The following FOXP2 variants were observed in gnomAD, a reference collection of about 807,000 sequenced individuals.
FOXP2 encodes the protein forkhead box protein P2.
In FOXP2, 12 loss-of-function variants were observed where a neutral mutation model predicts 115.8. The ratio of observed to expected loss-of-function variants is 0.10; its 90% CI spans 0.07 to 0.17. The LOEUF is 0.17. Ranked by LOEUF, FOXP2 falls within the 10% of genes least tolerant of loss-of-function variation. FOXP2 has a pLI of 1.00. For missense variants in FOXP2, 629 were observed against 843.5 expected, an observed-to-expected ratio of 0.75 and a Z score of 3.15; for synonymous variants, 328 against 297.7, an observed-to-expected ratio of 1.10 and a Z score of -1.05.
intron 16 of FOXP2, among the ~76,000 whole-genome samples, chr7:114,678,848 AACAAAT>A (rs1238746733): frequency 1.3e-5 from 2 of 152,156 alleles, no homozygotes; most frequent in Non-Finnish European, 2.9e-5. Context: ...CAATTAAAAT[AACAAAT>A]ACAAAGATTC....
intron 1 of FOXP2, among the ~76,000 whole-genome samples, chr7:114,270,382 T>G (rs1040628150): frequency 1.3e-5 from 2 of 152,162 alleles, no homozygotes; most frequent in Non-Finnish European, 2.9e-5. Context: ...GTCCTTAGTT[T>G]TGTAAGAAAC....
At chr7:114,390,023 CAA>C (rs11311566) in intron 2 of FOXP2, among the ~76,000 whole-genome samples, 3,184 of 93,200 alleles carry the variant, frequency 0.034, 71 homozygotes, top group African/African-American at 0.13. Flanking sequence ...CATTCAGTGT[CAA>C]AAAAAAAAAA....
At chr7:114,158,192 C>T (rs1792721420), upstream of FOXP2, among the ~76,000 whole-genome samples, 1 of 151,974 alleles carries the variant, frequency 6.6e-6, no homozygotes, top group Admixed American at 6.6e-5. Context: ...TGTTGTATAG[C>T]AAAATATATT....
intron 2 of FOXP2, among the ~76,000 whole-genome samples, chr7:114,355,132 C>T (rs148210821): frequency 4.6e-4 from 70 of 152,148 alleles, no homozygotes; most frequent in African/African-American, 1.6e-3. Flanking sequence ...AGATGCAGCC[C>T]TTCTCACCTT....
intron 2 of FOXP2, among the ~76,000 whole-genome samples, chr7:114,316,048 C>A (rs1037232517): frequency 6.6e-6 from 1 of 152,130 alleles, no homozygotes; most frequent in Non-Finnish European, 1.5e-5. Flanking sequence ...AGATACAGCA[C>A]TAAATAGACT....
intron 1 of FOXP2, among the ~76,000 whole-genome samples, chr7:114,280,121 TAAAA>T (rs1554360933): frequency 2.6e-3 from 363 of 137,832 alleles, no homozygotes; most frequent in African/African-American, 5.0e-3. Flanking sequence ...AATAAATAAA[TAAAA>T]ACAGGTGGTT....
intron 1 of FOXP2, among the ~76,000 whole-genome samples, chr7:114,236,869 C>T (rs1300632325): frequency 1.3e-5 from 2 of 151,886 alleles, no homozygotes; most frequent in Admixed American, 6.6e-5. Context: ...CCCAGCTACT[C>T]GGGAGGGTGA....
intron 2 of FOXP2, among the ~76,000 whole-genome samples, chr7:114,392,403 C>A (rs1482462449): frequency 6.6e-6 from 1 of 152,140 alleles, no homozygotes; most frequent in Non-Finnish European, 1.5e-5. Context: ...GTCGTTCATT[C>A]CTGACCTGCT....
intron 2 of FOXP2, among the ~76,000 whole-genome samples, chr7:114,485,001 A>G (rs1338091177): frequency 6.6e-6 from 1 of 151,902 alleles, no homozygotes; most frequent in Admixed American, 6.6e-5. Flanking sequence ...GGTAATTTTT[A>G]CTTGAAAAAA....
chr7:114,109,924 A>G (rs917512285), intron 1 of FOXP2, among the ~76,000 whole-genome samples: 9 of 152,206 alleles, frequency 5.9e-5, no homozygotes, highest in South Asian at 4.1e-4. Context: ...TTTCTGTCCT[A>G]TTTTGTATAC....
rs1234539622 is a variant in FOXP2 at position 114,535,593 on chromosome 7, C to CAGAT, written c.258+888_258+891dup. On this transcript the variant is annotated intron_variant, in intron 3 of 16. Transcript: ENST00000350908. ...CTGTTTTTATTTTCAGGTGTACTTA[C>CAGAT]AGATGTTAGTAACTAAGTCTTACAT... Among the ~76,000 whole-genome samples, 15 of 151,568 alleles carry CAGAT rather than the reference C, an allele frequency of 9.9e-5. No individual in the cohort carries two copies. The East Asian group carries it at 2.5e-3, about 26-fold the overall frequency.
chr7:114,432,557 T>C (rs961025194), intron 2 of FOXP2, among the ~76,000 whole-genome samples: 2 of 152,036 alleles, frequency 1.3e-5, no homozygotes, highest in African/African-American at 4.8e-5. Flanking sequence ...TTACATTTTT[T>C]AATATTTGGT....
chr7:114,131,703 G>C (rs1371915062), intron 1 of FOXP2, among the ~76,000 whole-genome samples: 1 of 152,070 alleles, frequency 6.6e-6, no homozygotes, highest in African/African-American at 2.4e-5. Context: ...TAAAAAATTT[G>C]TCTGTTTTGA....
intron 1 of FOXP2, among the ~76,000 whole-genome samples, chr7:114,206,523 C>T (rs561093765): frequency 1.2e-4 from 18 of 152,200 alleles, no homozygotes; most frequent in South Asian, 2.1e-4. Flanking sequence ...AGGCCTTCCA[C>T]GACAATTCCA....
At chr7:114,216,235 C>T (rs773458557) in intron 1 of FOXP2, among the ~76,000 whole-genome samples, 9 of 152,036 alleles carry the variant, frequency 5.9e-5, no homozygotes, top group Non-Finnish European at 1.2e-4. Context: ...ACATGTGCGG[C>T]GAAAGGAATA....
chr7:114,644,347 T>C (rs1805751652), intron 7 of FOXP2, among the ~76,000 whole-genome samples: 1 of 152,182 alleles, frequency 6.6e-6, no homozygotes, highest in African/African-American at 2.4e-5. Context: ...AAATAAAGGT[T>C]TTTTTCACTT....
At chr7:114,158,684 G>T (rs1056283350), upstream of FOXP2, among the ~76,000 whole-genome samples, 3 of 152,046 alleles carry the variant, frequency 2.0e-5, no homozygotes, top group African/African-American at 7.2e-5. Context: ...TCTGGTGATT[G>T]TTGCCTTGAA....
At chr7:114,163,028 A>G (rs1221287972), upstream of FOXP2, 1 of 152,186 alleles carries the variant, frequency 6.6e-6, no homozygotes, top group East Asian at 1.9e-4. Context: ...GGAGCATTGT[A>G]AGCACAAAGA....
rs972636438 is a variant in FOXP2, at chr7:114,628,522, T to C, written c.259-18T>C. The C allele has an allele frequency of 1.9e-6, 3 of 1,613,918 alleles. No homozygotes were observed. Among genetic ancestry groups the C allele is most frequent in the African/African-American group, 2.7e-5 (2 of 75,056 alleles). ...GTTATGACCACGAATTTTCTTTCTC[T>C]TTCTCTTTCTGTGCAAGGTGCCTGT... On this transcript the variant is annotated intron_variant, in intron 3 of 16. Transcript: ENST00000350908.
Sources: allele counts gnomAD v4.1 joint callset (sites outside exome capture counted in the v4.1 genomes callset), GRCh38; gene constraint gnomAD v4.1.1; transcripts MANE v1.5; gene names NCBI Gene and HGNC (gene_info 2026-07-23, HGNC 2026-07-21).